TCF12: variants seen among roughly 807,000 people sequenced by gnomAD.
The protein encoded by TCF12 is DNA-binding protein HTF4.
A neutral mutation model predicts 86.0 loss-of-function variants in TCF12; 45 were observed. The observed-to-expected ratio is 0.52, with a 90% confidence interval of 0.41 to 0.67. The LOEUF is 0.67. Ranked by LOEUF, TCF12 falls within the 30% of genes least tolerant of loss-of-function variation. The pLI is 0.00. For missense variants in TCF12, 881 were observed against 859.9 expected, an observed-to-expected ratio of 1.02 and a Z score of -0.31; for synonymous variants, 330 against 299.6, an observed-to-expected ratio of 1.10 and a Z score of -1.05.
chr15:57,161,780 A>G (rs1225449274), intron 5 of TCF12, among the ~76,000 whole-genome samples: 2 of 152,220 alleles, frequency 1.3e-5, no homozygotes, highest in Non-Finnish European at 2.9e-5. Context: ...TCACAGTAGA[A>G]CAATAGATAT....
chr15:57,044,066 A>G (rs1234062929), intron 3 of TCF12, among the ~76,000 whole-genome samples: 1 of 152,198 alleles, frequency 6.6e-6, no homozygotes, highest in Non-Finnish European at 1.5e-5. Flanking sequence ...GACACTTTCA[A>G]ATTGGAAACA....
chr15:57,114,779 A>G (rs1207327937), intron 5 of TCF12, among the ~76,000 whole-genome samples: 1 of 152,226 alleles, frequency 6.6e-6, no homozygotes, highest in Non-Finnish European at 1.5e-5. Flanking sequence ...GTTTCACAAT[A>G]TAGTTGGTTG....
chr15:57,161,271 CT>C (rs1380569215), intron 5 of TCF12, among the ~76,000 whole-genome samples: 2 of 152,218 alleles, frequency 1.3e-5, no homozygotes, highest in East Asian at 1.9e-4. Flanking sequence ...AGCAAGATAA[CT>C]TTTTTTTAAG....
intron 8 of TCF12, among the ~76,000 whole-genome samples, chr15:57,211,979 CCACACACA>C (rs58113866): frequency 0.015 from 1,277 of 83,798 alleles, 21 homozygotes; most frequent in African/African-American, 0.034. Flanking sequence ...CACACACACA[CCACACACA>C]CACACACACA....
At chr15:57,049,898 T>A (rs1488704173) in intron 3 of TCF12, among the ~76,000 whole-genome samples, 2 of 152,238 alleles carry the variant, frequency 1.3e-5, no homozygotes, top group Non-Finnish European at 2.9e-5. Context: ...ATTAATTATT[T>A]TGTGCCTTTG....
In TCF12 at chr15:56,920,677, A is replaced by G. The variant is rs191420297; in HGVS notation, c.76-349A>G. 3.2e-3 allele frequency among the ~76,000 whole-genome samples: 487 copies of G among 152,188 alleles called. 7 individuals are homozygous for G. The highest frequency in any genetic ancestry group is 0.011 in the African/African-American group (464 of 41,520). On this transcript the variant is annotated intron_variant, in intron 2 of 20. Coordinates refer to ENST00000333725, the MANE Select transcript of TCF12 (RefSeq NM_207037.2). ...AATCCTTACTGTATGTAGTAATTTA[A>G]TGGGCCATAATTCTGACTGTGTATA...
At chr15:57,083,601 T>C (rs2048448046) in intron 4 of TCF12, among the ~76,000 whole-genome samples, 1 of 152,198 alleles carries the variant, frequency 6.6e-6, no homozygotes, top group African/African-American at 2.4e-5. Context: ...TAAAAATTTT[T>C]TGAGATGAGC....
At chr15:57,045,972 A>G (rs1247920653) in intron 3 of TCF12, among the ~76,000 whole-genome samples, 5 of 152,244 alleles carry the variant, frequency 3.3e-5, no homozygotes, top group Non-Finnish European at 5.9e-5. Context: ...CAGCAACTTC[A>G]TAAGCAGCAG....
At position 57,214,268 on chromosome 15, in the gene TCF12, A is replaced by G. The variant is rs532486063; in HGVS notation, c.579+16443A>G. The G allele has an allele frequency of 2.0e-5, 3 of 152,260 alleles. No homozygotes were observed. The South Asian group carries it at 6.2e-4, about 32-fold the overall frequency. The allele number at this position is 152,260 out of a possible 1,614,324, so 9.4% of individuals were successfully genotyped here. ...CTCAGTAATTATATAGTTCTGTCTC[A>G]TTTGAAGGGTTATCTAATGATTGCC... On this transcript the variant is annotated intron_variant, in intron 8 of 20. Coordinates refer to ENST00000333725, the MANE Select transcript of TCF12 (RefSeq NM_207037.2).
chr15:57,117,775 G>A (rs1567457116), intron 5 of TCF12, among the ~76,000 whole-genome samples: 1 of 152,036 alleles, frequency 6.6e-6, no homozygotes, highest in Non-Finnish European at 1.5e-5. Flanking sequence ...TTAGAATCAT[G>A]CCATTATTAA....
intron 3 of TCF12, among the ~76,000 whole-genome samples, chr15:56,969,731 C>T (rs1174222872): frequency 6.6e-6 from 1 of 151,990 alleles, no homozygotes; most frequent in Non-Finnish European, 1.5e-5. Context: ...GAGAATTGGT[C>T]TGGTCTTGAT....
chr15:57,201,247 T>C (rs1436141892), intron 8 of TCF12, among the ~76,000 whole-genome samples: 1 of 151,860 alleles, frequency 6.6e-6, no homozygotes. Flanking sequence ...GACCTCACTA[T>C]CTTATATGAG....
At chr15:57,246,408 T>G (rs533119904) in intron 13 of TCF12, among the ~76,000 whole-genome samples, 19 of 152,306 alleles carry the variant, frequency 1.2e-4, no homozygotes, top group Admixed American at 4.6e-4. Context: ...TTGTCTCAGC[T>G]AGTCTGAACA....
At chr15:56,927,151 A>G (rs1242559299) in intron 3 of TCF12, among the ~76,000 whole-genome samples, 3 of 152,250 alleles carry the variant, frequency 2.0e-5, no homozygotes, top group Admixed American at 6.5e-5. Context: ...TGCTGGAGGT[A>G]GTAAAGATGC....
In TCF12 at chr15:57,272,050, T is replaced by A. The variant is rs1181286467; in HGVS notation, c.1746-980T>A. 2.6e-5 allele frequency among the ~76,000 whole-genome samples: 4 copies of A among 152,306 alleles called. No homozygotes were observed. The East Asian group carries it at 7.7e-4, about 29-fold the overall frequency. ...TGTGTTTTCTAGAAGTTCATGTAAA[T>A]GGAATTGTAGAGTATGTATGTGATC... On this transcript the variant is annotated intron_variant, in intron 18 of 20. Coordinates refer to ENST00000333725, the MANE Select transcript of TCF12 (RefSeq NM_207037.2).
intron 3 of TCF12, among the ~76,000 whole-genome samples, chr15:57,028,906 T>G (rs777437338): frequency 2.2e-4 from 33 of 152,106 alleles, no homozygotes; most frequent in Admixed American, 1.1e-3. Flanking sequence ...CAAGCGATTC[T>G]CCTGCATCAG....
intron 8 of TCF12, among the ~76,000 whole-genome samples, chr15:57,210,497 A>T (rs938655310): frequency 1.3e-5 from 2 of 152,124 alleles, no homozygotes; most frequent in African/African-American, 4.8e-5. Flanking sequence ...CACTGTAGTT[A>T]TTTCTATTTA....
intron 18 of TCF12, among the ~76,000 whole-genome samples, chr15:57,268,037 G>A (rs998336043): frequency 1.3e-5 from 2 of 152,162 alleles, no homozygotes; most frequent in Non-Finnish European, 2.9e-5. Context: ...TAAGTGTATG[G>A]TGTAGGCTTG....
At chr15:57,276,434 T>C (rs1385769621) in intron 19 of TCF12, among the ~76,000 whole-genome samples, 1 of 152,184 alleles carries the variant, frequency 6.6e-6, no homozygotes, top group African/African-American at 2.4e-5. Flanking sequence ...GAGGAGACCA[T>C]AGCAGATGAA....
Sources: allele counts gnomAD v4.1 joint callset (sites outside exome capture counted in the v4.1 genomes callset), GRCh38; gene constraint gnomAD v4.1.1; transcripts MANE v1.5; gene names NCBI Gene and HGNC (gene_info 2026-07-23, HGNC 2026-07-21).